Variants in DAB2IP observed in about 807,000 individuals in gnomAD.
DAB2IP encodes the protein DAB2 interacting protein.
In DAB2IP, 28 loss-of-function variants were observed where a neutral mutation model predicts 107.2. That is an observed-to-expected ratio of 0.26 (90% confidence interval 0.19 to 0.36). The LOEUF (loss-of-function observed/expected upper bound fraction) is 0.36, where lower values mean the gene tolerates loss of function less well. Ranked by LOEUF, DAB2IP falls within the 10% of genes least tolerant of loss-of-function variation. DAB2IP has a pLI of 1.00. For synonymous variants in DAB2IP, 755 were observed against 706.4 expected, an observed-to-expected ratio of 1.07 and a Z score of -1.09; for missense variants, 1,400 against 1,644.7, an observed-to-expected ratio of 0.85 and a Z score of 2.57.
upstream of DAB2IP, among the ~76,000 whole-genome samples, chr9:121,649,816 G>T (rs1410800200): frequency 6.6e-6 from 1 of 152,206 alleles, no homozygotes; most frequent in Admixed American, 6.5e-5. Flanking sequence ...CTGTGTGTGC[G>T]CTCTGTCCAG....
At chr9:121,571,676 G>A (rs780810687) in intron 1 of DAB2IP, among the ~76,000 whole-genome samples, 2 of 152,054 alleles carry the variant, frequency 1.3e-5, no homozygotes, top group Non-Finnish European at 2.9e-5. Context: ...GAGGCTGAAA[G>A]GGTTCAGCCA....
intron 2 of DAB2IP, among the ~76,000 whole-genome samples, chr9:121,697,856 AG>A (rs1829504054): frequency 6.6e-6 from 1 of 152,208 alleles, no homozygotes; most frequent in South Asian, 2.1e-4. Flanking sequence ...AGATAGGAAA[AG>A]GGAAATCTTG....
intron 1 of DAB2IP, among the ~76,000 whole-genome samples, chr9:121,577,226 G>C (rs1589371539): frequency 6.6e-6 from 1 of 152,116 alleles, no homozygotes; most frequent in Non-Finnish European, 1.5e-5. Flanking sequence ...TGGGATTCTG[G>C]GGAAAAGAAA....
chr9:121,637,452 G>A (rs1334391445), intron 1 of DAB2IP, among the ~76,000 whole-genome samples: 1 of 152,222 alleles, frequency 6.6e-6, no homozygotes, highest in Non-Finnish European at 1.5e-5. Context: ...GATCATGGCT[G>A]TGGAGCCTTG....
At chr9:121,574,339 C>A (rs1368957647) in intron 1 of DAB2IP, among the ~76,000 whole-genome samples, 1 of 152,076 alleles carries the variant, frequency 6.6e-6, no homozygotes, top group African/African-American at 2.4e-5. Flanking sequence ...GAAACTGACA[C>A]CAGCCTAGCC....
At chr9:121,693,110 G>A (rs554093433) in intron 2 of DAB2IP, among the ~76,000 whole-genome samples, 32 of 152,352 alleles carry the variant, frequency 2.1e-4, no homozygotes, top group African/African-American at 7.7e-4. Context: ...GGGCAGACTG[G>A]GAGGTTCTTG....
intron 1 of DAB2IP, among the ~76,000 whole-genome samples, chr9:121,609,054 G>A (rs968419602): frequency 2.6e-5 from 4 of 152,222 alleles, no homozygotes; most frequent in Admixed American, 2.0e-4. Context: ...CGATTCTCCT[G>A]CCTCAGCCTC....
chr9:121,673,074 T>C (rs1833747352), intron 1 of DAB2IP, among the ~76,000 whole-genome samples: 1 of 152,220 alleles, frequency 6.6e-6, no homozygotes, highest in Non-Finnish European at 1.5e-5. Flanking sequence ...TGTGTGTTTT[T>C]ACTTGGTTCC....
chr9:121,717,647 C>T (rs867759787), intron 3 of DAB2IP, among the ~76,000 whole-genome samples: 7 of 152,340 alleles, frequency 4.6e-5, no homozygotes, highest in Admixed American at 6.5e-5. Context: ...TTCTGGCTGC[C>T]GTGCCTCACC....
chr9:121,712,249 C>G (rs1003402536), intron 3 of DAB2IP, among the ~76,000 whole-genome samples: 1 of 152,198 alleles, frequency 6.6e-6, no homozygotes, highest in South Asian at 2.1e-4. Flanking sequence ...CTTCCAGGAT[C>G]CACACATGGG....
At chr9:121,591,209 CT>C (rs1430168736) in intron 1 of DAB2IP, among the ~76,000 whole-genome samples, 2 of 152,314 alleles carry the variant, frequency 1.3e-5, no homozygotes, top group East Asian at 3.9e-4. Flanking sequence ...TAGCTTATGC[CT>C]GTAATCCCAG....
chr9:121,770,941 T>G (rs1316126301), intron 11 of DAB2IP, among the ~76,000 whole-genome samples: 2 of 151,318 alleles, frequency 1.3e-5, no homozygotes, highest in African/African-American at 2.5e-5. Context: ...TGTTTTGTTT[T>G]GGGAAAAGTA....
intron 2 of DAB2IP, among the ~76,000 whole-genome samples, chr9:121,692,250 T>C (rs963595773): frequency 3.3e-5 from 5 of 152,142 alleles, no homozygotes; most frequent in African/African-American, 1.2e-4. Context: ...GTATGTTAGC[T>C]TGTATGTTTC....
At chr9:121,584,493 G>A (rs1348206301) in intron 1 of DAB2IP, among the ~76,000 whole-genome samples, 1 of 152,132 alleles carries the variant, frequency 6.6e-6, no homozygotes, top group African/African-American at 2.4e-5. Flanking sequence ...CCCTTGTAAA[G>A]ACTAGAAGAC....
intron 3 of DAB2IP, among the ~76,000 whole-genome samples, chr9:121,709,327 T>C (rs1234312587): frequency 2.6e-5 from 4 of 152,150 alleles, no homozygotes; most frequent in African/African-American, 9.7e-5. Context: ...CATCCTGCTC[T>C]GTTCATGGCA....
At chr9:121,732,205 T>C (rs1831584853) in intron 3 of DAB2IP, among the ~76,000 whole-genome samples, 1 of 152,238 alleles carries the variant, frequency 6.6e-6, no homozygotes, top group Non-Finnish European at 1.5e-5. Flanking sequence ...TACTTGGCAC[T>C]GTGACAACCA....
chr9:121,587,932 A>G (rs908891518), intron 1 of DAB2IP, among the ~76,000 whole-genome samples: 1 of 152,188 alleles, frequency 6.6e-6, no homozygotes, highest in Admixed American at 6.5e-5. Context: ...TTTACCTGGC[A>G]TCTTGTATTT....
intron 1 of DAB2IP, among the ~76,000 whole-genome samples, chr9:121,610,571 T>C (rs1255429001): frequency 6.6e-6 from 1 of 152,152 alleles, no homozygotes; most frequent in African/African-American, 2.4e-5. Flanking sequence ...CCCTGCCCTC[T>C]AGCTGCAGGG....
chr9:121,618,228 G>A (rs191178292), intron 1 of DAB2IP, among the ~76,000 whole-genome samples: 1 of 152,362 alleles, frequency 6.6e-6, no homozygotes, highest in East Asian at 1.9e-4. Flanking sequence ...TCTCCACTGA[G>A]CTGGGAATGG....
Sources: allele counts gnomAD v4.1 joint callset (sites outside exome capture counted in the v4.1 genomes callset), GRCh38; gene constraint gnomAD v4.1.1; transcripts MANE v1.5; gene names NCBI Gene and HGNC (gene_info 2026-07-23, HGNC 2026-07-21).